Variants in PER2 observed in about 807,000 individuals in gnomAD.
PER2 encodes period circadian protein homolog 2.
Under a neutral mutation model 121.0 loss-of-function variants are expected in PER2, and 66 were observed. That is an observed-to-expected ratio of 0.55 (90% CI 0.45 to 0.67). The LOEUF (loss-of-function observed/expected upper bound fraction) is 0.67, where lower values mean the gene tolerates loss of function less well. Ranked by LOEUF, PER2 falls within the 30% of genes least tolerant of loss-of-function variation. PER2 has a pLI of 0.00. For missense variants in PER2, 1,521 were observed against 1,635.0 expected, an observed-to-expected ratio of 0.93 and a Z score of 1.20; for synonymous variants, 684 against 659.9, an observed-to-expected ratio of 1.04 and a Z score of -0.56.
At chr2:238,293,734 CAAA>C (rs397939497), upstream of PER2, among the ~76,000 whole-genome samples, 2 of 104,702 alleles carry the variant, frequency 1.9e-5, no homozygotes, top group Non-Finnish European at 2.2e-5. Context: ...GACTCTGTCT[CAAA>C]AAAAAAAAAA....
intron 22 of PER2, chr2:238,248,855 C>T (rs1364194742): frequency 1.5e-5 from 9 of 596,704 alleles, no homozygotes; most frequent in Non-Finnish European, 2.8e-5. Flanking sequence ...CGGGGTTTCA[C>T]CGTGTTTGCC....
upstream of PER2, among the ~76,000 whole-genome samples, chr2:238,292,700 T>C (rs1696968720): frequency 6.6e-6 from 1 of 152,122 alleles, no homozygotes; most frequent in East Asian, 1.9e-4. Context: ...CCATATATTC[T>C]AATTCGCTAA....
chr2:238,262,216 TGAA>T lies in PER2; in HGVS notation c.1279_1281del (p.Phe427del), dbSNP rs1695954589. 2 of 1,613,858 alleles carry T rather than the reference TGAA, an allele frequency of 1.2e-6. No individual in the cohort carries two copies. Among genetic ancestry groups the T allele is most frequent in the Admixed American group, 3.3e-5 (2 of 59,988 alleles). The stretch of plus-strand genomic sequence containing the variant: ...ACCCTGACTTTGTGCCTCCCAATGA[TGAA>T]GGAGATTTTCCTGCTCCATGGGTTG... On this transcript the variant is annotated inframe_deletion, in exon 11 of 23. Transcript: ENST00000254657.
In PER2 at chr2:238,265,609, GCA is replaced by G; in HGVS notation, c.968-21_968-20del. 7.0e-7 allele frequency: 1 copy of G among 1,422,976 alleles called. No homozygotes were observed. The highest frequency in any genetic ancestry group is 9.9e-7 in the Non-Finnish European group (1 of 1,005,818). 88.1% of individuals were successfully genotyped at this position (1,422,976 alleles called of 1,614,324 possible). ...CTAGGGGCTGAAAGAACAGAATATT[GCA>G]CACATTTGTGATCCTAAGAAATGCA... On this transcript the variant is annotated intron_variant, in intron 8 of 22. Coordinates refer to ENST00000254657, the MANE Select transcript of PER2 (RefSeq NM_022817.3).
chr2:238,274,394 G>T lies in PER2; in HGVS notation c.449-1203C>A, dbSNP rs944693433. ...GCCACGCGTGTGCTTCCTGCAATGT[G>T]GTGAGGAGACCTTTGGACCCACAGC... On this transcript the variant is annotated intron_variant, in intron 4 of 22. Transcript: ENST00000254657. Among the ~76,000 whole-genome samples the T allele has an allele frequency of 5.4e-4, 82 of 152,370 alleles. 1 individual carries two copies. The highest frequency in any genetic ancestry group is 1.9e-3 in the African/African-American group (79 of 41,586).
intron 4 of PER2, among the ~76,000 whole-genome samples, chr2:238,275,513 A>ACCC (rs984858010): frequency 6.6e-6 from 1 of 152,176 alleles, no homozygotes; most frequent in African/African-American, 2.4e-5. Flanking sequence ...ACATAGTGAG[A>ACCC]CCCCATCTCT....
At position 238,249,071 on chromosome 2, in the gene PER2, G is replaced by C. The variant is rs768209947; in HGVS notation, c.3609C>G (p.Ile1203Met). ...WMQTGGLPAA[I>M]DVAECVYCEN... Reference sequence around the variant, plus strand: ...AGTCCCGTGAGCTTACTGCCACGTCGATGGCTGCGGGCAGGCCGCCCGTCT... The same window carrying C: ...AGTCCCGTGAGCTTACTGCCACGTCCATGGCTGCGGGCAGGCCGCCCGTCT... The change falls in exon 22 of 23, where the codon ATC becomes ATG. Residue 1203 changes from isoleucine to methionine, a missense_variant. Coordinates refer to ENST00000254657, the MANE Select transcript of PER2 (RefSeq NM_022817.3). 1 of 1,613,964 alleles carries C rather than the reference G, an allele frequency of 6.2e-7. No homozygotes were observed. Among genetic ancestry groups the C allele is most frequent in the Non-Finnish European group, 8.5e-7 (1 of 1,180,012 alleles).
intron 3 of PER2, among the ~76,000 whole-genome samples, chr2:238,276,601 T>C (rs543652450): frequency 5.9e-5 from 9 of 152,064 alleles, no homozygotes; most frequent in African/African-American, 2.2e-4. Context: ...GAAAAGGGGA[T>C]TGTGGAAAAG....
intron 5 of PER2, 39 bp downstream of exon 5, chr2:238,273,031 C>G: frequency 6.2e-7 from 1 of 1,611,758 alleles, no homozygotes; most frequent in Non-Finnish European, 8.5e-7. Flanking sequence ...GGAGGAACTC[C>G]TGCCATTTTA....
At chr2:238,297,452 G>T in the PER2 span, among the ~76,000 whole-genome samples, 3 of 152,212 alleles carry the variant, frequency 2.0e-5, no homozygotes, top group Admixed American at 6.5e-5. Flanking sequence ...CTCAGAGAGT[G>T]AGTGAAGACA....
intron 22 of PER2, among the ~76,000 whole-genome samples, chr2:238,248,293 G>A (rs1695500528): frequency 6.6e-6 from 1 of 152,202 alleles, no homozygotes; most frequent in Non-Finnish European, 1.5e-5. Flanking sequence ...GAGAACTTGA[G>A]ACCTTGACAA....
chr2:238,275,603 C>T (rs572550702), intron 4 of PER2, 140 bp downstream of exon 4: 89 of 893,040 alleles, frequency 1.0e-4, no homozygotes, highest in South Asian at 6.8e-4. Context: ...GCAGCGGAAT[C>T]GCTTAAGCCC....
intron 18 of PER2, among the ~76,000 whole-genome samples, chr2:238,254,575 C>A (rs3892365): frequency 0.058 from 8,829 of 152,272 alleles, 296 homozygotes; most frequent in South Asian, 0.12. Flanking sequence ...CTGGTGGGAA[C>A]AGTGGCTAAA....
At chr2:238,260,667 GA>G (rs1695898571) in intron 13 of PER2, among the ~76,000 whole-genome samples, 160 bp downstream of exon 13, 1 of 152,184 alleles carries the variant, frequency 6.6e-6, no homozygotes, top group Admixed American at 6.5e-5. Flanking sequence ...CAACTCTTAA[GA>G]GATTAAAAAG....
the PER2 span, among the ~76,000 whole-genome samples, chr2:238,296,021 G>A: frequency 1.3e-4 from 19 of 151,356 alleles, no homozygotes; most frequent in African/African-American, 4.1e-4. Flanking sequence ...AGAGTCAGTC[G>A]TGTGCCCTCC....
At chr2:238,285,966 C>T (rs1239101362) in intron 1 of PER2, among the ~76,000 whole-genome samples, 1 of 152,170 alleles carries the variant, frequency 6.6e-6, no homozygotes, top group African/African-American at 2.4e-5. Flanking sequence ...AACAGCCGCA[C>T]TCTCCATGGC....
rs374584782 is a variant in PER2, at chr2:238,253,515, C to G, written c.2508G>C (p.Thr836=). The change falls in exon 19 of 23, where the codon ACG becomes ACC. Residue 836 remains threonine, a synonymous_variant. Coordinates refer to ENST00000254657, the MANE Select transcript of PER2 (RefSeq NM_022817.3). This position sits in a 1 kb window ranked among gnomAD's most constrained non-coding sequence, Gnocchi z 5.6. ...GCACGGCTGGGCAGCTGGACTGGGA[C>G]GTGTCTGAGGGTGACCAGGCTGTGG... ...LNATAWSPSD[T]SQSSCPAVPF... 1 of 1,611,802 alleles carries G rather than the reference C, an allele frequency of 6.2e-7. No individual in the cohort carries two copies. The highest frequency in any genetic ancestry group is 2.2e-5 in the East Asian group (1 of 44,822).
chr2:238,286,800 G>A (rs1175070312), intron 1 of PER2, among the ~76,000 whole-genome samples: 1 of 152,268 alleles, frequency 6.6e-6, no homozygotes, highest in Non-Finnish European at 1.5e-5. Flanking sequence ...CTTAAAAACA[G>A]CAGTGTGACT....
chr2:238,249,262 T>C (rs775912128), intron 21 of PER2, 50 bp from the exon 22 acceptor site: 3 of 1,537,334 alleles, frequency 2.0e-6, no homozygotes, highest in Non-Finnish European at 2.7e-6. Context: ...CTTAAGGGTA[T>C]CTATTTTTAT....
Sources: allele counts gnomAD v4.1 joint callset (sites outside exome capture counted in the v4.1 genomes callset), GRCh38; gene constraint gnomAD v4.1.1; non-coding constraint Gnocchi (gnomAD v3.1); transcripts MANE v1.5; gene names NCBI Gene and HGNC (gene_info 2026-07-23, HGNC 2026-07-21).